SAMMSON: variants seen among roughly 807,000 people sequenced by gnomAD.
The protein encoded by SAMMSON is survival associated mitochondrial melanoma specific oncogenic non-coding RNA, also known as long intergenic non-protein coding RNA 1212.
intron 2 of SAMMSON, among the ~76,000 whole-genome samples, chr3:70,432,398 T>C (rs1701421494): frequency 6.7e-6 from 1 of 149,536 alleles, no homozygotes; most frequent in African/African-American, 2.4e-5. Flanking sequence ...ATTTGTCAAA[T>C]ATATATATAT....
chr3:70,036,446 C>T (rs561195378), intron 3 of SAMMSON, among the ~76,000 whole-genome samples: 5 of 152,268 alleles, frequency 3.3e-5, no homozygotes, highest in South Asian at 4.1e-4. Flanking sequence ...GGCTTTTGTT[C>T]TCATTAGCTC....
chr3:70,130,960 GA>G (rs1364670572), intron 4 of SAMMSON, among the ~76,000 whole-genome samples: 1 of 152,048 alleles, frequency 6.6e-6, no homozygotes, highest in East Asian at 1.9e-4. Context: ...TAGGTTTTGG[GA>G]TAGTTTATTA....
At chr3:70,266,538 C>T (rs1039486057) in intron 6 of SAMMSON, among the ~76,000 whole-genome samples, 1 of 152,076 alleles carries the variant, frequency 6.6e-6, no homozygotes, top group African/African-American at 2.4e-5. Flanking sequence ...CAGAGTCCTG[C>T]CTCAGCCTCC....
chr3:70,432,209 T>C (rs1701419632), intron 2 of SAMMSON, among the ~76,000 whole-genome samples: 2 of 151,918 alleles, frequency 1.3e-5, no homozygotes, highest in Admixed American at 1.3e-4. Flanking sequence ...AATTTTTTTT[T>C]AATATTAGCC....
At chr3:70,111,666 T>G (rs977704885) in intron 4 of SAMMSON, among the ~76,000 whole-genome samples, 1 of 152,168 alleles carries the variant, frequency 6.6e-6, no homozygotes, top group African/African-American at 2.4e-5. Context: ...AAGAGGATAT[T>G]ACATAAGTAG....
intron 7 of SAMMSON, among the ~76,000 whole-genome samples, chr3:70,338,941 C>G (rs1198619989): frequency 2.0e-5 from 3 of 152,126 alleles, no homozygotes; most frequent in Non-Finnish European, 4.4e-5. Context: ...CCTGCATTGC[C>G]AAGACAATCC....
At chr3:70,268,629 A>G (rs1701946473) in intron 6 of SAMMSON, among the ~76,000 whole-genome samples, 1 of 152,178 alleles carries the variant, frequency 6.6e-6, no homozygotes, top group South Asian at 2.1e-4. Context: ...GTATATTGAC[A>G]TGTAGCTTTC....
rs536674185 is a variant in SAMMSON at position 70,164,938 on chromosome 3, G to A, written n.508-84169G>A. Among the ~76,000 whole-genome samples the A allele has an allele frequency of 1.4e-4, 21 of 152,054 alleles. 1 individual carries two copies. The highest frequency in any genetic ancestry group is 5.1e-4 in the African/African-American group (21 of 41,512). On this transcript the variant is annotated intron_variant and non_coding_transcript_variant, in intron 4 of 9. Transcript: ENST00000642114. ...GCTTCTTTGCATTATTGAATTTGGC[G>A]GCATAATATTTTGAAGAAACAGTGC...
chr3:70,027,063 C>T (rs1366756401), intron 3 of SAMMSON, among the ~76,000 whole-genome samples: 1 of 151,960 alleles, frequency 6.6e-6, no homozygotes, highest in African/African-American at 2.4e-5. Context: ...AGTCTGCGAC[C>T]CTGCAGATCA....
chr3:70,107,561 C>T (rs578063843), intron 4 of SAMMSON, among the ~76,000 whole-genome samples: 8 of 151,024 alleles, frequency 5.3e-5, no homozygotes, highest in Non-Finnish European at 8.8e-5. Context: ...CTTTACCCAA[C>T]CCTCTTGTTC....
At chr3:70,414,188 C>G (rs1054199658) in intron 2 of SAMMSON, among the ~76,000 whole-genome samples, 1 of 152,020 alleles carries the variant, frequency 6.6e-6, no homozygotes, top group African/African-American at 2.4e-5. Flanking sequence ...AAGTATAAAA[C>G]TGATTTGCTC....
intron 7 of SAMMSON, among the ~76,000 whole-genome samples, chr3:70,337,087 ATTAATAATAATATCTAACTTAATATTC>A (rs1344834282): frequency 0.37 from 36,706 of 99,432 alleles, 7,465 homozygotes; most frequent in Admixed American, 0.44. Context: ...TAATATTCTT[ATTAATAATAATATCTAACTTAATATTC>A]TTATTAATAA....
chr3:70,309,649 T>A (rs6762000), intron 7 of SAMMSON, among the ~76,000 whole-genome samples: 148,178 of 152,290 alleles, frequency 0.97, 72,106 homozygotes, highest in East Asian at 1. Context: ...CTTTTTTAAA[T>A]ATATGCCAAC....
intron 3 of SAMMSON, among the ~76,000 whole-genome samples, chr3:70,019,259 G>A (rs1213048495): frequency 2.6e-5 from 4 of 152,090 alleles, no homozygotes; most frequent in Admixed American, 6.6e-5. Context: ...TATGAATCTG[G>A]GTGCTCCTGT....
intron 9 of SAMMSON, among the ~76,000 whole-genome samples, chr3:70,363,303 C>T (rs901477745): frequency 2.0e-5 from 3 of 151,958 alleles, no homozygotes; most frequent in African/African-American, 7.3e-5. Flanking sequence ...CACTCTTATT[C>T]AACATAGTCT....
At chr3:70,342,940 G>A (rs1319357504) in intron 7 of SAMMSON, among the ~76,000 whole-genome samples, 4 of 152,128 alleles carry the variant, frequency 2.6e-5, no homozygotes, top group Non-Finnish European at 5.9e-5. Context: ...GCAAACATGA[G>A]TAGTAGGTAC....
intron 1 of SAMMSON, among the ~76,000 whole-genome samples, chr3:70,011,904 T>C (rs1023062195): frequency 3.3e-5 from 5 of 152,094 alleles, no homozygotes; most frequent in Non-Finnish European, 7.4e-5. Flanking sequence ...TGTGGAAACT[T>C]ACTCTGGAAG....
chr3:70,014,406 C>A (rs2066972475), intron 3 of SAMMSON: 1 of 152,184 alleles, frequency 6.6e-6, no homozygotes, highest in Non-Finnish European at 1.5e-5. Context: ...TACGAGGAGA[C>A]TTCAGAAAGG....
chr3:70,409,573 C>G (rs922168103), intron 2 of SAMMSON, among the ~76,000 whole-genome samples: 3 of 152,024 alleles, frequency 2.0e-5, no homozygotes, highest in African/African-American at 7.2e-5. Context: ...AATTATAAGG[C>G]CTTATCCATG....
Sources: gnomAD v4.1 joint callset for allele counts (sites outside exome capture counted in the v4.1 genomes callset) on GRCh38, gnomAD v4.1.1 for gene constraint, MANE v1.5 for transcripts, NCBI Gene and HGNC (gene_info 2026-07-23, HGNC 2026-07-21) for gene names.